Variants in C1QTNF4 observed in about 807,000 individuals in gnomAD.
C1QTNF4 encodes the protein complement C1q tumor necrosis factor-related protein 4.
A neutral mutation model predicts 14.6 loss-of-function variants in C1QTNF4; 12 were observed. That is an observed-to-expected ratio of 0.82 (90% CI 0.53 to 1.33). C1QTNF4 has a LOEUF of 1.33. Ranked by LOEUF, C1QTNF4 falls within the 40% of genes most tolerant of loss-of-function variation. C1QTNF4 has a pLI of 0.00. For synonymous variants in C1QTNF4, 278 were observed against 246.6 expected (o/e 1.13, Z -1.19); for missense variants, 558 against 500.3 (o/e 1.12, Z -1.10).
Position 47,590,308 on chromosome 11 carries a change from C to CCG in C1QTNF4, c.501_502dup (p.Gly168AlafsTer81). Reference sequence around the variant, plus strand: ...GCGCGGCTCGGGGGGCGCGGGCGGCCCGCGCGCAGGCGCGTCAGCGTCGGC... The same window carrying CCG: ...GCGCGGCTCGGGGGGCGCGGGCGGCCCGCGCGCGCAGGCGCGTCAGCGTCGGC... On this transcript the variant is annotated frameshift_variant, in exon 2 of 2. Coordinates refer to ENST00000302514, the MANE Select transcript of C1QTNF4 (RefSeq NM_031909.3). LOFTEE classifies it high-confidence loss of function. 1 of 1,186,172 alleles carries CCG rather than the reference C, an allele frequency of 8.4e-7. No homozygotes were observed. Among genetic ancestry groups the CCG allele is most frequent in the Non-Finnish European group, 1.0e-6 (1 of 956,052 alleles). The allele number at this position is 1,186,172 out of a possible 1,614,324, so 73.5% of individuals were successfully genotyped here.
intron 1 of C1QTNF4, among the ~76,000 whole-genome samples, chr11:47,591,390 C>T (rs1344240898): frequency 8.7e-6 from 1 of 114,482 alleles, no homozygotes; most frequent in African/African-American, 3.5e-5. Flanking sequence ...AAACCCCGCC[C>T]CCCCCCCTTT....
upstream of C1QTNF4, chr11:47,594,805 T>C (rs941058196): frequency 2.6e-5 from 4 of 152,080 alleles, no homozygotes; most frequent in African/African-American, 9.7e-5. Context: ...GAAGGATAAA[T>C]GGGTCAATGT....
Position 47,589,798 on chromosome 11 carries a change from C to G in C1QTNF4, c.*23G>C. On this transcript the variant is annotated 3_prime_UTR_variant, in exon 2 of 2. Coordinates refer to ENST00000302514, the MANE Select transcript of C1QTNF4 (RefSeq NM_031909.3). ...CTGGCATGCACGCCCCTGGCCCTCC[C>G]GGGCTCTTCTCTGGCCCGGGGCTCA... is the stretch of plus-strand genomic sequence containing the variant. The G allele has an allele frequency of 6.7e-7, 1 of 1,490,620 alleles. No individual in the cohort carries two copies. Among genetic ancestry groups the G allele is most frequent in the Non-Finnish European group, 8.9e-7 (1 of 1,119,748 alleles). The allele number at this position is 1,490,620 out of a possible 1,614,324, so 92.3% of individuals were successfully genotyped here.
At chr11:47,594,884 G>T (rs2097277402), upstream of C1QTNF4, among the ~76,000 whole-genome samples, 1 of 152,154 alleles carries the variant, frequency 6.6e-6, no homozygotes, top group Non-Finnish European at 1.5e-5. Context: ...AAATGCCCAC[G>T]GTCGGTTAGG....
chr11:47,594,946 G>C (rs973687524), upstream of C1QTNF4, among the ~76,000 whole-genome samples: 2 of 152,146 alleles, frequency 1.3e-5, no homozygotes, highest in Non-Finnish European at 2.9e-5. Flanking sequence ...TGCGTTCCCC[G>C]GGGTGAGGGG....
At position 47,589,704 on chromosome 11, in the gene C1QTNF4, T is replaced by C; in HGVS notation, c.*117A>G. 2.0e-6 allele frequency: 2 copies of C among 1,023,954 alleles called. No homozygotes were observed. Among genetic ancestry groups the C allele is most frequent in the Non-Finnish European group, 2.7e-6 (2 of 745,592 alleles). 63.4% of individuals were successfully genotyped at this position (1,023,954 alleles called of 1,614,324 possible). A position where few individuals can be genotyped will look rare whatever the true frequency, so the allele number is the denominator to read the frequency against. ...CGCTGCGCGTGCCCGCTTTCCGCTT[T>C]ATTGGCAGAGTCCAGGCGCGCCCGG... On this transcript the variant is annotated 3_prime_UTR_variant, in exon 2 of 2. Transcript: ENST00000302514.
chr11:47,592,903 C>T (rs975825380), intron 1 of C1QTNF4, among the ~76,000 whole-genome samples: 2 of 152,220 alleles, frequency 1.3e-5, no homozygotes, highest in East Asian at 3.8e-4. Context: ...CAACTGAATG[C>T]TGTCTCCTTC....
At chr11:47,592,456 C>A (rs569851760) in intron 1 of C1QTNF4, among the ~76,000 whole-genome samples, 8 of 152,334 alleles carry the variant, frequency 5.3e-5, no homozygotes, top group Non-Finnish European at 1.5e-5. Context: ...GCAGATGCTT[C>A]TGTCGGTTGC....
intron 1 of C1QTNF4, among the ~76,000 whole-genome samples, chr11:47,592,400 C>G (rs1281131592): frequency 6.6e-6 from 1 of 152,172 alleles, no homozygotes; most frequent in Admixed American, 6.5e-5. Context: ...TGGGGGTGTG[C>G]TGAGATAGGT....
intron 1 of C1QTNF4, 120 bp from the exon 2 acceptor site, chr11:47,590,935 T>A (rs2097275296): frequency 1.4e-6 from 2 of 1,399,556 alleles, no homozygotes; most frequent in African/African-American, 2.9e-5. Flanking sequence ...ACAAGTAGGT[T>A]TCAATTTTCC....
intron 1 of C1QTNF4, among the ~76,000 whole-genome samples, chr11:47,591,846 C>T (rs1188418862): frequency 6.6e-6 from 1 of 152,206 alleles, no homozygotes; most frequent in Non-Finnish European, 1.5e-5. Context: ...CTGAGTTCCC[C>T]TCAGCTCCAG....
At position 47,590,621 on chromosome 11, in the gene C1QTNF4, C is replaced by G. The variant is rs760318749; in HGVS notation, c.190G>C (p.Ala64Pro). The change falls in exon 2 of 2, where the codon GCC becomes CCC. Residue 64 changes from alanine (A) to proline (P), a missense_variant. By Grantham distance (27) the Ala-to-Pro change is conservative. Coordinates refer to ENST00000302514, the MANE Select transcript of C1QTNF4 (RefSeq NM_031909.3). ...ACGCGGCAGCGAAACTGGCCGGTGG[C>G]CACATCGAAGTCGCCCCCGATGTTC... Reference protein sequence around the residue: ...YVNIGGDFDVATGQFRCRVPG... With the variant: ...YVNIGGDFDVPTGQFRCRVPG... 1 of 1,610,320 alleles carries G rather than the reference C, an allele frequency of 6.2e-7. No homozygotes were observed. Among genetic ancestry groups the G allele is most frequent in the South Asian group, 1.1e-5 (1 of 90,486 alleles).
chr11:47,591,630 C>G lies in C1QTNF4; in HGVS notation c.-5-815G>C, dbSNP rs545214992. 1.8e-4 allele frequency among the ~76,000 whole-genome samples: 27 copies of G among 152,200 alleles called. No homozygotes were observed. In the South Asian group the frequency reaches 4.4e-3, roughly 25 times the overall value. Reference sequence around the variant, plus strand: ...GTCTTGATCTCTTGACCTTGTGATCCGCCTGCCTCGGCCTCCCAAAGTGCT... The same window carrying G: ...GTCTTGATCTCTTGACCTTGTGATCGGCCTGCCTCGGCCTCCCAAAGTGCT... On this transcript the variant is annotated intron_variant, in intron 1 of 1. Coordinates refer to ENST00000302514, the MANE Select transcript of C1QTNF4 (RefSeq NM_031909.3).
At position 47,590,748 on chromosome 11, in the gene C1QTNF4, G is replaced by C; in HGVS notation, c.63C>G (p.Pro21=). The C allele has an allele frequency of 1.3e-6, 2 of 1,598,138 alleles. No homozygotes were observed. Among genetic ancestry groups the C allele is most frequent in the Non-Finnish European group, 1.7e-6 (2 of 1,173,278 alleles). The change falls in exon 2 of 2, where the codon CCC becomes CCG. Residue 21 remains proline (P), a synonymous_variant. Transcript: ENST00000302514. ...AGCGCAGCTCAGAGGATCCCGGGCCGGGGGTCGGGCCCAGGGCCCAGCAGG... is the reference window on the plus strand; with the variant it reads ...AGCGCAGCTCAGAGGATCCCGGGCCCGGGGTCGGGCCCAGGGCCCAGCAGG... The part of the protein sequence containing the change: ...PAACWALGPT[P]GPGSSELRSA...
At position 47,590,671 on chromosome 11, in the gene C1QTNF4, G is replaced by A. The variant is rs749432598; in HGVS notation, c.140C>T (p.Ala47Val). ...TTPLEGTSEM[A>V]VTFDKVYVNI... is the part of the protein sequence containing the mutation. ...CACGTACACCTTGTCGAAGGTCACC[G>A]CCATCTCCGACGTGCCCTCCAGGGG... The change falls in exon 2 of 2, where the codon GCG becomes GTG. Residue 47 changes from alanine (A) to valine (V), a missense_variant. Physicochemically the swap from Ala to Val is moderately conservative, Grantham distance 64. Coordinates refer to ENST00000302514, the MANE Select transcript of C1QTNF4 (RefSeq NM_031909.3). 7 of 1,611,336 alleles carry A rather than the reference G, an allele frequency of 4.3e-6. No homozygotes were observed. The African/African-American group carries it at 5.3e-5, about 12-fold the overall frequency.
In C1QTNF4 at chr11:47,590,417, CTG is replaced by C. The variant is rs1358483148; in HGVS notation, c.392_393del (p.Thr131SerfsTer32). The C allele has an allele frequency of 6.7e-7, 1 of 1,499,858 alleles. No individual in the cohort carries two copies. Among genetic ancestry groups the C allele is most frequent in the Non-Finnish European group, 8.8e-7 (1 of 1,130,846 alleles). The allele number at this position is 1,499,858 out of a possible 1,614,324, so 92.9% of individuals were successfully genotyped here. A position where few individuals can be genotyped will look rare whatever the true frequency, so the allele number is the denominator to read the frequency against. On this transcript the variant is annotated frameshift_variant, in exon 2 of 2. Transcript: ENST00000302514. LOFTEE classifies it high-confidence loss of function. ...GGGGCGCCATGCAGCCGCAGCCACA[CTG>C]TGTCGCCGTAGTCGAGCTGCAGCAT... ...SAMLQLDYGD[T>X]VWLRLHGAPQ...
rs773272876 is a variant in C1QTNF4, at chr11:47,590,579, A to G, written c.232T>C (p.Phe78Leu). 6 of 1,604,804 alleles carry G rather than the reference A, an allele frequency of 3.7e-6. No individual in the cohort carries two copies. In the South Asian group the frequency reaches 5.6e-5, roughly 15 times the overall value. Residue 78 changes from phenylalanine (F) to leucine (L), a missense_variant, in exon 2 of 2, where the codon TTC becomes CTC. Physicochemically the swap from Phe to Leu is conservative, Grantham distance 22. Transcript: ENST00000302514. ...FRCRVPGAYFFSFTAGKAPHK... is the reference protein window; with the variant it reads ...FRCRVPGAYFLSFTAGKAPHK... The stretch of plus-strand genomic sequence containing the variant: ...GGGGCCTTGCCAGCCGTGAAGGAGA[A>G]GAAGTAGGCGCCGGGCACGCGGCAG...
intron 1 of C1QTNF4, among the ~76,000 whole-genome samples, chr11:47,591,892 T>C (rs749445670): frequency 4.6e-5 from 7 of 152,176 alleles, no homozygotes; most frequent in Non-Finnish European, 1.0e-4. Flanking sequence ...TTATGGTCCT[T>C]GGTCTGCCAC....
At chr11:47,591,982 C>G (rs1395057129) in intron 1 of C1QTNF4, among the ~76,000 whole-genome samples, 1 of 152,212 alleles carries the variant, frequency 6.6e-6, no homozygotes, top group Non-Finnish European at 1.5e-5. Flanking sequence ...GAAAGGAAAT[C>G]GCTGCTCCCT....
Sources: gnomAD v4.1 joint callset for allele counts (sites outside exome capture counted in the v4.1 genomes callset) on GRCh38, gnomAD v4.1.1 for gene constraint, MANE v1.5 for transcripts, NCBI Gene and HGNC (gene_info 2026-07-23, HGNC 2026-07-21) for gene names.